Variants in ZNF730 observed in about 807,000 individuals in gnomAD.
ZNF730 encodes the protein putative zinc finger protein 730.
Under a neutral mutation model 12.6 loss-of-function variants are expected in ZNF730, and 12 were observed. The ratio of observed to expected loss-of-function variants is 0.95; its 90% CI spans 0.61 to 1.54. The LOEUF is 1.54. Among genes scored for constraint, ZNF730 ranks in the 40% most tolerant of loss-of-function variants. The pLI is 0.00. For synonymous variants in ZNF730, 194 were observed against 195.8 expected, an observed-to-expected ratio of 0.99 and a Z score of 0.08; for missense variants, 643 against 583.5, an observed-to-expected ratio of 1.10 and a Z score of -1.05.
chr19:23,115,953 A>G (rs79094894), upstream of ZNF730, among the ~76,000 whole-genome samples: 100 of 152,348 alleles, frequency 6.6e-4, no homozygotes, highest in Middle Eastern at 6.8e-3. Flanking sequence ...AGTGGGCTCC[A>G]TAAAGGTACT....
chr19:23,124,215 T>A (rs900751542), intron 1 of ZNF730: 1 of 152,198 alleles, frequency 6.6e-6, no homozygotes, highest in African/African-American at 2.4e-5. Flanking sequence ...CACTGGCCAC[T>A]AGGAGAACGC....
intron 1 of ZNF730, among the ~76,000 whole-genome samples, chr19:23,077,424 C>CT (rs71163442): frequency 0.011 from 488 of 45,568 alleles, 85 homozygotes; most frequent in Middle Eastern, 0.079. Context: ...TCCCTAAGAG[C>CT]TTTTTTTTTT....
chr19:23,101,501 C>CT (rs1359467866), intron 1 of ZNF730, among the ~76,000 whole-genome samples: 1 of 152,230 alleles, frequency 6.6e-6, no homozygotes, highest in African/African-American at 2.4e-5. Flanking sequence ...AATTTCTACT[C>CT]TAATTCCTGG....
chr19:23,080,626 C>T (rs982869498), intron 1 of ZNF730, among the ~76,000 whole-genome samples: 5 of 152,084 alleles, frequency 3.3e-5, no homozygotes, highest in East Asian at 2.0e-4. Context: ...CCACCTGCCT[C>T]GGCCTCCCAA....
intron 1 of ZNF730, chr19:23,128,425 G>T (rs1253585847): frequency 1.3e-5 from 5 of 385,612 alleles, no homozygotes; most frequent in African/African-American, 1.0e-4. Context: ...TCCAGTCTAT[G>T]AGAAGAAGCC....
At chr19:23,108,352 A>T (rs770536220) in intron 1 of ZNF730, among the ~76,000 whole-genome samples, 2 of 151,850 alleles carry the variant, frequency 1.3e-5, no homozygotes, top group African/African-American at 4.8e-5. Context: ...CGCTGCCCCA[A>T]GTGATTTTTA....
rs1413680978 is a variant in ZNF730, at chr19:23,138,240, G to A, written c.226+2197G>A. Among the ~76,000 whole-genome samples the A allele has an allele frequency of 1.4e-4, 2 of 13,822 alleles. 1 individual carries two copies. Among genetic ancestry groups the A allele is most frequent in the East Asian group, 0.013 (2 of 160 alleles). 9.1% of individuals were successfully genotyped at this position (13,822 alleles called of 152,430 possible). A position where few individuals can be genotyped will look rare whatever the true frequency, so the allele number is the denominator to read the frequency against. On this transcript the variant is annotated intron_variant, in intron 3 of 3. Transcript: ENST00000597761. ...GGAGCTTGCAGTGAGCCGAGATCCCGCCACTGCACTCCAGCCTGGGCGACA... is the reference window on the plus strand; with the variant it reads ...GGAGCTTGCAGTGAGCCGAGATCCCACCACTGCACTCCAGCCTGGGCGACA...
In ZNF730 at chr19:23,144,254, T is replaced by C. The variant is rs1294908899; in HGVS notation, c.227-1017T>C. The C allele has an allele frequency of 3.3e-5, 5 of 152,220 alleles. No homozygotes were observed. The South Asian group carries it at 8.3e-4, about 25-fold the overall frequency. The allele number at this position is 152,220 out of a possible 1,614,324, so 9.4% of individuals were successfully genotyped here. A position where few individuals can be genotyped will look rare whatever the true frequency, so the allele number is the denominator to read the frequency against. On this transcript the variant is annotated intron_variant, in intron 3 of 3. Transcript: ENST00000597761. ...GATTTGGACATTAAAAAAATCTACC[T>C]GTCACAATCTTTATAATGTAGTTCT...
At chr19:23,077,602 C>T (rs541073682) in intron 1 of ZNF730, among the ~76,000 whole-genome samples, 11 of 151,760 alleles carry the variant, frequency 7.2e-5, no homozygotes, top group South Asian at 2.1e-4. Context: ...CCAACACACC[C>T]GGCTAATTTT....
intron 1 of ZNF730, among the ~76,000 whole-genome samples, chr19:23,102,344 G>GCCT (rs768296914): frequency 3.9e-5 from 6 of 152,040 alleles, no homozygotes; most frequent in Non-Finnish European, 7.4e-5. Flanking sequence ...ACTCCTGTTT[G>GCCT]GTCCCTGCCT....
At chr19:23,079,715 ATT>A (rs1969931887) in intron 1 of ZNF730, among the ~76,000 whole-genome samples, 1 of 152,144 alleles carries the variant, frequency 6.6e-6, no homozygotes, top group South Asian at 2.1e-4. Context: ...GTTAGAGATG[ATT>A]TTTGTCTTAC....
chr19:23,113,835 A>G (rs116719263), upstream of ZNF730, among the ~76,000 whole-genome samples: 528 of 152,320 alleles, frequency 3.5e-3, 4 homozygotes, highest in African/African-American at 0.012. Context: ...AGTGTTATCA[A>G]TGTCTAAAGT....
chr19:23,118,059 A>G (rs1396364080), intron 1 of ZNF730, among the ~76,000 whole-genome samples: 1 of 152,106 alleles, frequency 6.6e-6, no homozygotes, highest in Non-Finnish European at 1.5e-5. Context: ...TCTGTCTTGC[A>G]GTAAAATACT....
chr19:23,095,434 C>T (rs1970232869), intron 1 of ZNF730: 1 of 398,520 alleles, frequency 2.5e-6, no homozygotes, highest in South Asian at 1.3e-4. Context: ...CTGAACCCAT[C>T]ACACAGGTAA....
intron 1 of ZNF730, among the ~76,000 whole-genome samples, chr19:23,077,402 T>C (rs1162081686): frequency 6.8e-6 from 1 of 146,458 alleles, no homozygotes; most frequent in Non-Finnish European, 1.5e-5. Context: ...TTTAGGTAGC[T>C]TTTCCCATAA....
chr19:23,144,135 G>T (rs1015354362), intron 3 of ZNF730: 39 of 151,394 alleles, frequency 2.6e-4, no homozygotes, highest in African/African-American at 9.5e-4. Context: ...AAATTAATGT[G>T]TACATCTTTT....
In ZNF730 at chr19:23,128,607, T is replaced by A. The variant is rs535092068; in HGVS notation, c.4-5473T>A. 128 of 173,964 alleles carry A rather than the reference T, an allele frequency of 7.4e-4. 1 individual carries two copies. The highest frequency in any genetic ancestry group is 2.8e-3 in the Admixed American group (48 of 16,884). 10.8% of individuals were successfully genotyped at this position (173,964 alleles called of 1,614,324 possible). Reference sequence around the variant, plus strand: ...AATAAACTTATTGACAGCAAAATTTTAAAAAAATTAAATTTATAAGCAGCA... The same window carrying A: ...AATAAACTTATTGACAGCAAAATTTAAAAAAAATTAAATTTATAAGCAGCA... On this transcript the variant is annotated intron_variant, in intron 1 of 3. Coordinates refer to ENST00000597761, the MANE Select transcript of ZNF730 (RefSeq NM_001277403.2).
intron 1 of ZNF730, among the ~76,000 whole-genome samples, chr19:23,083,131 T>C (rs1373580463): frequency 6.6e-6 from 1 of 152,112 alleles, no homozygotes; most frequent in African/African-American, 2.4e-5. Flanking sequence ...TTTTTAGATA[T>C]ATAGGCAGTA....
Position 23,145,752 on chromosome 19 carries a change from C to CGTTA in ZNF730, c.708_709insGTTA (p.Phe237ValfsTer3). On this transcript the variant is annotated frameshift_variant, in exon 4 of 4. Coordinates refer to ENST00000597761, the MANE Select transcript of ZNF730 (RefSeq NM_001277403.2). LOFTEE classifies it low-confidence loss of function (END_TRUNC). ...ACAAATGTAAAGAATGTGGCAAAGC[C>CGTTA]TTTAACTGGTTTTCACATTTTACTA... 1 of 1,565,206 alleles carries CGTTA rather than the reference C, an allele frequency of 6.4e-7. No homozygotes were observed. Among genetic ancestry groups the CGTTA allele is most frequent in the Non-Finnish European group, 8.6e-7 (1 of 1,157,106 alleles).
Sources: allele counts gnomAD v4.1 joint callset (sites outside exome capture counted in the v4.1 genomes callset), GRCh38; gene constraint gnomAD v4.1.1; transcripts MANE v1.5; gene names NCBI Gene and HGNC (gene_info 2026-07-23, HGNC 2026-07-21).